GRID1: variants seen among roughly 807,000 people sequenced by gnomAD.
GRID1 encodes the protein glutamate ionotropic receptor delta type subunit 1.
GRID1 carries 28 observed loss-of-function variants against 98.0 expected under a neutral mutation model. That is an observed-to-expected ratio of 0.29 (90% CI 0.21 to 0.39). The LOEUF (loss-of-function observed/expected upper bound fraction) is 0.39, where lower values mean the gene tolerates loss of function less well. Ranked by LOEUF, GRID1 falls within the 10% of genes least tolerant of loss-of-function variation. GRID1 has a pLI of 1.00. For missense variants in GRID1, 1,111 were observed against 1,340.5 expected (o/e 0.83, Z 2.67); for synonymous variants, 553 against 538.5 (o/e 1.03, Z -0.37).
intron 4 of GRID1, among the ~76,000 whole-genome samples, chr10:86,010,318 G>A (rs182102566): frequency 9.9e-5 from 15 of 152,114 alleles, no homozygotes; most frequent in East Asian, 1.9e-4. Context: ...CTATAGCAGC[G>A]AACACAAACA....
chr10:85,877,613 C>A (rs1343586112), intron 5 of GRID1, among the ~76,000 whole-genome samples: 1 of 152,150 alleles, frequency 6.6e-6, no homozygotes, highest in Admixed American at 6.5e-5. Flanking sequence ...CACCAAAAAC[C>A]CATCTGTACG....
chr10:85,633,556 G>A (rs1250491660), intron 13 of GRID1, among the ~76,000 whole-genome samples: 7 of 152,204 alleles, frequency 4.6e-5, no homozygotes, highest in African/African-American at 1.7e-4. Flanking sequence ...CACGAACTGT[G>A]CTGTGAGGAT....
intron 4 of GRID1, among the ~76,000 whole-genome samples, chr10:85,966,626 C>A (rs1424742571): frequency 6.6e-6 from 1 of 152,002 alleles, no homozygotes; most frequent in Non-Finnish European, 1.5e-5. Flanking sequence ...CCAGCCTGAC[C>A]AACAAGGCAA....
intron 4 of GRID1, among the ~76,000 whole-genome samples, chr10:86,057,551 T>C (rs959988269): frequency 2.0e-5 from 3 of 152,220 alleles, no homozygotes; most frequent in Non-Finnish European, 4.4e-5. Flanking sequence ...CCTCGGGTGT[T>C]CACTGTAGCC....
At chr10:86,049,312 A>C (rs1843467356) in intron 4 of GRID1, among the ~76,000 whole-genome samples, 2 of 152,240 alleles carry the variant, frequency 1.3e-5, no homozygotes, top group Admixed American at 6.5e-5. Context: ...AGGATCTCTT[A>C]CACATTGTAT....
intron 2 of GRID1, among the ~76,000 whole-genome samples, chr10:86,315,693 A>G (rs141377698): frequency 2.4e-4 from 36 of 151,334 alleles, no homozygotes; most frequent in African/African-American, 8.7e-4. Flanking sequence ...ATCCATTCAT[A>G]TGCCCCCATA....
chr10:86,186,870 G>T (rs1845731979), intron 3 of GRID1, among the ~76,000 whole-genome samples: 1 of 152,220 alleles, frequency 6.6e-6, no homozygotes, highest in African/African-American at 2.4e-5. Context: ...AGAGAGTCCA[G>T]CAGATCTGAT....
chr10:86,080,933 C>T (rs901634800), intron 4 of GRID1, among the ~76,000 whole-genome samples: 8 of 152,144 alleles, frequency 5.3e-5, no homozygotes, highest in Non-Finnish European at 1.2e-4. Context: ...TCACTTCCAA[C>T]CTGCTCTGAG....
At position 85,647,382 on chromosome 10, in the gene GRID1, C is replaced by T. The variant is rs1337649999; in HGVS notation, c.2013G>A (p.Leu671=). The T allele has an allele frequency of 6.2e-7, 1 of 1,614,128 alleles. No individual in the cohort carries two copies. Among genetic ancestry groups the T allele is most frequent in the East Asian group, 2.2e-5 (1 of 44,886 alleles). ...MDNPIRTFQD[L]SKQVEMSYGT... The stretch of plus-strand genomic sequence containing the variant: ...CATAAGACATTTCCACTTGTTTGGA[C>T]AGGTCCTGGAAAGTCCTGAAATGCA... The change falls in exon 13 of 16, where the codon CTG becomes CTA. Residue 671 remains leucine, a synonymous_variant. Transcript: ENST00000327946.
At chr10:86,320,605 A>G (rs1186269136) in intron 2 of GRID1, among the ~76,000 whole-genome samples, 1 of 152,140 alleles carries the variant, frequency 6.6e-6, no homozygotes, top group African/African-American at 2.4e-5. Context: ...CTGGAGATGG[A>G]TGGTGGTGAT....
chr10:85,651,321 A>C (rs1302793116), intron 12 of GRID1, among the ~76,000 whole-genome samples: 1 of 152,234 alleles, frequency 6.6e-6, no homozygotes, highest in Non-Finnish European at 1.5e-5. Context: ...CATGGGTAAC[A>C]GGCCAGAGTA....
intron 2 of GRID1, among the ~76,000 whole-genome samples, chr10:86,304,867 G>A (rs1589443451): frequency 6.6e-6 from 1 of 152,064 alleles, no homozygotes; most frequent in Admixed American, 6.5e-5. Context: ...TGAGCCTCTT[G>A]GTCTACATCT....
intron 4 of GRID1, among the ~76,000 whole-genome samples, chr10:85,933,202 A>C (rs983974244): frequency 3.3e-5 from 5 of 151,284 alleles, no homozygotes; most frequent in African/African-American, 1.2e-4. Flanking sequence ...ATGGCACAGC[A>C]CAAAGGCCCT....
chr10:85,930,183 ATAACTACAAATAACTTGCGGTTATTTT>A (rs1564629175), intron 4 of GRID1, among the ~76,000 whole-genome samples: 44 of 144,016 alleles, frequency 3.1e-4, no homozygotes, highest in Middle Eastern at 3.6e-3. Context: ...GCGGTTATTT[ATAACTACAAATAACTTGCGGTTATTTT>A]TAACTACAAA....
intron 2 of GRID1, among the ~76,000 whole-genome samples, chr10:86,263,405 G>C (rs548578174): frequency 1.2e-4 from 18 of 152,190 alleles, no homozygotes; most frequent in Non-Finnish European, 2.6e-4. Flanking sequence ...CTCCCAGCTC[G>C]TCAGAATCCA....
chr10:85,613,315 T>A (rs777727563), intron 15 of GRID1, 92 bp downstream of exon 15: 21 of 1,276,132 alleles, frequency 1.6e-5, no homozygotes, highest in Non-Finnish European at 2.1e-5. Flanking sequence ...CTCAGGTAAA[T>A]ACTAACTAGA....
intron 4 of GRID1, among the ~76,000 whole-genome samples, chr10:85,979,427 G>T (rs542088332): frequency 6.6e-6 from 1 of 152,310 alleles, no homozygotes; most frequent in South Asian, 2.1e-4. Context: ...CAGTTCTGGA[G>T]GATGGAAATC....
At chr10:85,660,615 G>T (rs892073696) in intron 12 of GRID1, among the ~76,000 whole-genome samples, 4 of 151,946 alleles carry the variant, frequency 2.6e-5, no homozygotes, top group African/African-American at 9.7e-5. Context: ...TGGATCATGA[G>T]CAGAGCTGAT....
At chr10:86,163,196 G>A (rs1018294005) in intron 3 of GRID1, among the ~76,000 whole-genome samples, 7 of 152,120 alleles carry the variant, frequency 4.6e-5, no homozygotes, top group Admixed American at 6.5e-5. Context: ...TTGAAACAAC[G>A]GGAGTGGGAG....
Sources: gnomAD v4.1 joint callset for allele counts (sites outside exome capture counted in the v4.1 genomes callset) on GRCh38, gnomAD v4.1.1 for gene constraint, MANE v1.5 for transcripts, NCBI Gene and HGNC (gene_info 2026-07-23, HGNC 2026-07-21) for gene names.